The following NLRP5 variants were observed in gnomAD, a reference collection of about 807,000 sequenced individuals.
NLRP5 encodes the protein NLR family pyrin domain containing 5, also known as NACHT, LRR and PYD domains-containing protein 5.
A neutral mutation model predicts 113.1 loss-of-function variants in NLRP5; 93 were observed. The ratio of observed to expected loss-of-function variants is 0.82; its 90% CI spans 0.70 to 0.98. NLRP5 has a LOEUF of 0.98. Among genes scored for constraint, NLRP5 ranks in the 50% least tolerant of loss-of-function variants. The probability of loss-of-function intolerance (pLI) is 0.00; values close to 1 mark genes in which losing one functional copy is unlikely to be tolerated. For missense variants in NLRP5, 1,808 were observed against 1,514.3 expected (o/e 1.19, Z -3.22); for synonymous variants, 751 against 600.7 (o/e 1.25, Z -3.66).
chr19:56,027,282 T>A lies in NLRP5; in HGVS notation c.1049T>A (p.Ile350Asn). The A allele has an allele frequency of 6.2e-7, 1 of 1,612,098 alleles. No individual in the cohort carries two copies. The highest frequency in any genetic ancestry group is 8.5e-7 in the Non-Finnish European group (1 of 1,179,868). Residue 350 changes from isoleucine to asparagine, a missense_variant, in exon 7 of 15, where the codon ATC becomes AAC. Transcript: ENST00000390649. Reference sequence around the variant, plus strand: ...GACTCCCAGGCTCCGGTGACGGAGATCATGTCCCGACCAGAAAGGCTGTTG... The same window carrying A: ...GACTCCCAGGCTCCGGTGACGGAGAACATGTCCCGACCAGAAAGGCTGTTG...
chr19:56,060,805 G>T (rs1255927894), intron 14 of NLRP5, among the ~76,000 whole-genome samples: 1 of 152,100 alleles, frequency 6.6e-6, no homozygotes, highest in Non-Finnish European at 1.5e-5. Flanking sequence ...TGATGTGCTA[G>T]AGGCCAATAC....
the NLRP5 span, among the ~76,000 whole-genome samples, chr19:55,990,706 T>A: frequency 2.1e-4 from 32 of 151,974 alleles, no homozygotes; most frequent in Non-Finnish European, 1.2e-4. Context: ...GCGCCTGTAG[T>A]CCCAGCTACT....
At chr19:55,999,623 T>G (rs1301063525), upstream of NLRP5, 4 of 890,382 alleles carry the variant, frequency 4.5e-6, no homozygotes, top group Non-Finnish European at 7.5e-6. Context: ...GTTGCTTCAC[T>G]GAAACCTCAC....
intron 4 of NLRP5, 199 bp from the exon 5 acceptor site, chr19:56,019,143 G>A: frequency 1.6e-6 from 1 of 634,572 alleles, no homozygotes; most frequent in South Asian, 2.0e-5. Context: ...GGAGAAATGA[G>A]CCTGGGACCC....
intron 9 of NLRP5, among the ~76,000 whole-genome samples, chr19:56,035,478 T>C (rs572892133): frequency 6.6e-6 from 1 of 152,314 alleles, no homozygotes; most frequent in African/African-American, 2.4e-5. Context: ...TTTTGCTCAC[T>C]GTCTGCACCA....
In NLRP5 at chr19:56,027,305, T is replaced by C. The variant is rs199475773; in HGVS notation, c.1072T>C (p.Leu358=). 2.0e-4 allele frequency: 319 copies of C among 1,612,232 alleles called. 2 individuals carry two copies. In the African/African-American group the frequency reaches 3.6e-3, roughly 18 times the overall value. The change falls in exon 7 of 15, where the codon TTG becomes CTG. Residue 358 remains leucine (L), a synonymous_variant. Transcript: ENST00000390649. ...GATCATGTCCCGACCAGAAAGGCTG[T>C]TGTTCATCATTGACGGTTTCGATGA...
At position 56,013,596 on chromosome 19, in the gene NLRP5, G is replaced by GGTTTTTTTTTTTTTTT. The variant is rs1555765383; in HGVS notation, c.509-2146_509-2145insGTTTTTTTTTTTTTTT. 1.6e-3 allele frequency among the ~76,000 whole-genome samples: 93 copies of GGTTTTTTTTTTTTTTT among 59,280 alleles called. 13 individuals are homozygous for GGTTTTTTTTTTTTTTT. Among genetic ancestry groups the GGTTTTTTTTTTTTTTT allele is most frequent in the South Asian group, 2.4e-3 (4 of 1,638 alleles). The allele number at this position is 59,280 out of a possible 152,430, so 38.9% of individuals were successfully genotyped here. A position where few individuals can be genotyped will look rare whatever the true frequency, so the allele number is the denominator to read the frequency against. ...CATTTATCACATGATGGACATTTGG[G>GGTTTTTTTTTTTTTTT]TTTTTTTTTTTTTTTTTTTTTGCTA... On this transcript the variant is annotated intron_variant, in intron 3 of 14. Transcript: ENST00000390649.
intron 6 of NLRP5, among the ~76,000 whole-genome samples, chr19:56,023,607 G>A (rs185827629): frequency 2.4e-4 from 36 of 152,136 alleles, no homozygotes; most frequent in African/African-American, 8.7e-4. Flanking sequence ...CTTAACCTAC[G>A]TGGGAAGAAT....
intron 13 of NLRP5, 77 bp downstream of exon 13, chr19:56,053,885 G>GGAT: frequency 1.5e-6 from 2 of 1,347,210 alleles, no homozygotes; most frequent in South Asian, 1.3e-5. Context: ...GCTTGAACAG[G>GGAT]GATGATGATG....
intron 12 of NLRP5, among the ~76,000 whole-genome samples, chr19:56,053,365 C>T (rs1368722150): frequency 6.6e-6 from 1 of 152,026 alleles, no homozygotes; most frequent in Non-Finnish European, 1.5e-5. Context: ...CATTGCACTC[C>T]AGCATGGGCA....
At chr19:56,007,391 C>T (rs1981965559) in intron 2 of NLRP5, among the ~76,000 whole-genome samples, 1 of 148,942 alleles carries the variant, frequency 6.7e-6, no homozygotes, top group African/African-American at 2.5e-5. Flanking sequence ...CTTACAGTTC[C>T]TATTCCAGAT....
chr19:56,017,921 C>A (rs1982469935), intron 4 of NLRP5, among the ~76,000 whole-genome samples: 1 of 152,192 alleles, frequency 6.6e-6, no homozygotes, highest in African/African-American at 2.4e-5. Context: ...TTAAGCAGTT[C>A]TTGTGCCTTG....
chr19:56,043,261 A>C (rs1030361296), intron 11 of NLRP5, among the ~76,000 whole-genome samples: 4 of 152,110 alleles, frequency 2.6e-5, no homozygotes, highest in Admixed American at 1.3e-4. Context: ...CATCCACCCC[A>C]GCATCTACTG....
chr19:55,996,511 G>C (rs945037638), upstream of NLRP5, among the ~76,000 whole-genome samples: 1 of 151,832 alleles, frequency 6.6e-6, no homozygotes, highest in South Asian at 2.1e-4. Context: ...AACAGTCCCC[G>C]GTGTGTGACG....
upstream of NLRP5, among the ~76,000 whole-genome samples, chr19:55,998,692 A>ATGTGTGTGTGTG (rs1272529769): frequency 0.054 from 2,784 of 51,154 alleles, 184 homozygotes; most frequent in African/African-American, 0.16. Context: ...ATATATATAT[A>ATGTGTGTGTGTG]TATATATATA....
At chr19:56,033,916 AT>A (rs1395170281) in intron 9 of NLRP5, among the ~76,000 whole-genome samples, 1 of 152,100 alleles carries the variant, frequency 6.6e-6, no homozygotes, top group African/African-American at 2.4e-5. Context: ...CTTTATCACA[AT>A]TAAAAAAACT....
chr19:56,026,323 T>C (rs2123302341), intron 6 of NLRP5, among the ~76,000 whole-genome samples: 1 of 151,802 alleles, frequency 6.6e-6, no homozygotes, highest in Non-Finnish European at 1.5e-5. Context: ...GGTCAGGAGA[T>C]TGAGACCATC....
At chr19:55,988,938 G>T in the NLRP5 span, among the ~76,000 whole-genome samples, 1 of 152,082 alleles carries the variant, frequency 6.6e-6, no homozygotes. Context: ...AATCTTAATT[G>T]TTCTGTGGTC....
chr19:56,033,817 T>C (rs1983213333), intron 9 of NLRP5, 108 bp downstream of exon 9: 1 of 897,618 alleles, frequency 1.1e-6, no homozygotes, highest in African/African-American at 1.7e-5. Context: ...GGAAAAGTTT[T>C]GGTGATGGAT....
Sources: gnomAD v4.1 joint callset for allele counts (sites outside exome capture counted in the v4.1 genomes callset) on GRCh38, gnomAD v4.1.1 for gene constraint, MANE v1.5 for transcripts, NCBI Gene and HGNC (gene_info 2026-07-23, HGNC 2026-07-21) for gene names.